Variants in SH3GLB1 observed in about 807,000 individuals in gnomAD.
The protein encoded by SH3GLB1 is SH3 domain containing GRB2 like, endophilin B1, also known as endophilin-B1.
A neutral mutation model predicts 42.0 loss-of-function variants in SH3GLB1; 17 were observed. The ratio of observed to expected loss-of-function variants is 0.40; its 90% CI spans 0.28 to 0.61. The LOEUF is 0.61. SH3GLB1 is among the 20% of genes least tolerant of loss of function. The pLI, the probability that SH3GLB1 is intolerant of heterozygous loss-of-function variation, is 0.36. For missense variants in SH3GLB1, 355 were observed against 426.3 expected (o/e 0.83, Z 1.47); for synonymous variants, 132 against 146.6 (o/e 0.90, Z 0.72).
rs113225472 is a variant in SH3GLB1 at position 86,747,299 on chromosome 1, A to T, written c.*4064A>T. 8 of 152,760 alleles carry T rather than the reference A, an allele frequency of 5.2e-5. 1 individual carries two copies. Among genetic ancestry groups the T allele is most frequent in the African/African-American group, 1.7e-4 (7 of 41,584 alleles). 9.5% of individuals were successfully genotyped at this position (152,760 alleles called of 1,614,324 possible). A position where few individuals can be genotyped will look rare whatever the true frequency, so the allele number is the denominator to read the frequency against. ...TTTTGTTGAATGAAAGAAAAATGCA[A>T]ATTTATAAGCCTTTTCAGAGACCTA... On this transcript the variant is annotated 3_prime_UTR_variant, in exon 9 of 9. Transcript: ENST00000370558.
chr1:86,732,914 A>G (rs892457843), intron 5 of SH3GLB1, among the ~76,000 whole-genome samples: 1 of 152,126 alleles, frequency 6.6e-6, no homozygotes, highest in Admixed American at 6.6e-5. Flanking sequence ...TTGACAATCA[A>G]AGACCTATAT....
chr1:86,741,759 T>G (rs1281993950), intron 7 of SH3GLB1, among the ~76,000 whole-genome samples: 1 of 152,198 alleles, frequency 6.6e-6, no homozygotes, highest in African/African-American at 2.4e-5. Flanking sequence ...AAAATGTGAT[T>G]GGACCAGTTT....
Position 86,715,783 on chromosome 1 carries a change from C to A in SH3GLB1, c.132C>A (p.Asn44Lys), listed in dbSNP as rs777505306. 13 of 1,612,678 alleles carry A rather than the reference C, an allele frequency of 8.1e-6. No individual in the cohort carries two copies. The highest frequency in any genetic ancestry group is 1.1e-5 in the Non-Finnish European group (13 of 1,179,674). The change falls in exon 2 of 9, where the codon AAC becomes AAA. Residue 44 changes from asparagine to lysine, a missense_variant. Physicochemically the swap from Asn to Lys is moderately conservative, Grantham distance 94 (BLOSUM62 0). Transcript: ENST00000370558. ...CAGAATTGGATGCTCACTTAGAGAA[C>A]CTCCTTAGCAAAGCTGAATGTACCA... Reference protein sequence around the residue: ...EKTELDAHLENLLSKAECTKI... With the variant: ...EKTELDAHLEKLLSKAECTKI...
At chr1:86,710,350 C>T (rs777387094) in intron 1 of SH3GLB1, among the ~76,000 whole-genome samples, 8 of 151,910 alleles carry the variant, frequency 5.3e-5, no homozygotes, top group East Asian at 1.9e-4. Flanking sequence ...CCGCAATCTC[C>T]GTTTCCCAGG....
chr1:86,737,987 C>T (rs1655860557), intron 7 of SH3GLB1, among the ~76,000 whole-genome samples: 1 of 152,150 alleles, frequency 6.6e-6, no homozygotes, highest in Admixed American at 6.6e-5. Context: ...AGGGCTTCGA[C>T]TTTGGTCTTT....
At chr1:86,722,967 A>G (rs1371894733) in intron 4 of SH3GLB1, among the ~76,000 whole-genome samples, 2 of 152,328 alleles carry the variant, frequency 1.3e-5, no homozygotes, top group East Asian at 3.9e-4. Context: ...TATGGTCTAA[A>G]ATATCACCAT....
At chr1:86,708,662 A>G (rs1020352081) in intron 1 of SH3GLB1, among the ~76,000 whole-genome samples, 4 of 152,216 alleles carry the variant, frequency 2.6e-5, no homozygotes, top group Admixed American at 2.6e-4. Context: ...GCTTGTTTTT[A>G]AGTACCTCAA....
Position 86,708,470 on chromosome 1 carries a change from A to G in SH3GLB1, c.72+3499A>G, listed in dbSNP as rs11161880. On this transcript the variant is annotated intron_variant, in intron 1 of 8. Transcript: ENST00000370558. The stretch of plus-strand genomic sequence containing the variant: ...CTTAAAAATTTCTAAGTTAAAAATT[A>G]AACATGTTTCTTGTTTTAAAAAAAG... Among the ~76,000 whole-genome samples, 949 of 152,338 alleles carry G rather than the reference A, an allele frequency of 6.2e-3. 13 individuals carry two copies. The highest frequency in any genetic ancestry group is 0.022 in the African/African-American group (912 of 41,558).
At chr1:86,721,453 C>T (rs1434772630) in intron 3 of SH3GLB1, among the ~76,000 whole-genome samples, 2 of 152,068 alleles carry the variant, frequency 1.3e-5, no homozygotes, top group African/African-American at 4.8e-5. Flanking sequence ...ATCTGTATTA[C>T]CTTCCTTATC....
chr1:86,715,631 T>G, intron 1 of SH3GLB1, 93 bp from the exon 2 acceptor site: 1 of 1,233,350 alleles, frequency 8.1e-7, no homozygotes, highest in Non-Finnish European at 1.1e-6. Context: ...ATGTTTAGGA[T>G]TGTTTAGCTT....
intron 1 of SH3GLB1, 70 bp downstream of exon 1, chr1:86,705,041 C>T: frequency 1.9e-6 from 2 of 1,071,872 alleles, no homozygotes; most frequent in Non-Finnish European, 2.7e-6. Context: ...CGCAGCTCGA[C>T]GCGGCGCCCC....
chr1:86,725,089 G>A (rs1029970371), intron 5 of SH3GLB1, among the ~76,000 whole-genome samples: 5 of 149,146 alleles, frequency 3.4e-5, no homozygotes, highest in African/African-American at 4.9e-5. Context: ...TTTAAATATC[G>A]TCAGTGGTCG....
intron 1 of SH3GLB1, among the ~76,000 whole-genome samples, chr1:86,711,782 A>G (rs1210345719): frequency 2.6e-5 from 4 of 152,090 alleles, no homozygotes. Context: ...CCCTTCTGAA[A>G]AGGTGCCATT....
intron 1 of SH3GLB1, among the ~76,000 whole-genome samples, chr1:86,708,380 A>AAATTGT (rs1317619469): frequency 1.3e-5 from 2 of 152,238 alleles, no homozygotes; most frequent in Non-Finnish European, 1.5e-5. Context: ...CATTCAAATC[A>AAATTGT]AATTGTACCG....
intron 5 of SH3GLB1, among the ~76,000 whole-genome samples, chr1:86,726,764 A>G (rs1385110516): frequency 6.6e-6 from 1 of 151,920 alleles, no homozygotes; most frequent in Non-Finnish European, 1.5e-5. Context: ...CTCTTAGTTT[A>G]TTATTACATA....
intron 7 of SH3GLB1, among the ~76,000 whole-genome samples, chr1:86,736,955 G>T (rs960944571): frequency 1.3e-5 from 2 of 152,182 alleles, no homozygotes; most frequent in Non-Finnish European, 2.9e-5. Context: ...GAACCAGATT[G>T]TATTGTTAAT....
At chr1:86,727,758 T>G (rs928561624) in intron 5 of SH3GLB1, among the ~76,000 whole-genome samples, 1 of 152,080 alleles carries the variant, frequency 6.6e-6, no homozygotes, top group Non-Finnish European at 1.5e-5. Flanking sequence ...CTCTGCAGTA[T>G]TTAGTGGTTT....
intron 5 of SH3GLB1, among the ~76,000 whole-genome samples, chr1:86,730,702 A>G (rs1352978584): frequency 1.3e-5 from 2 of 151,748 alleles, no homozygotes; most frequent in African/African-American, 4.9e-5. Flanking sequence ...TTTTTTCACC[A>G]TGTTGGCCAG....
intron 1 of SH3GLB1, among the ~76,000 whole-genome samples, 165 bp downstream of exon 1, chr1:86,705,136 G>A (rs1015239533): frequency 4.6e-5 from 7 of 151,734 alleles, no homozygotes; most frequent in Middle Eastern, 3.2e-3. Context: ...CGGGCCCGGC[G>A]GCGGATTTCT....
Sources: allele counts gnomAD v4.1 joint callset (sites outside exome capture counted in the v4.1 genomes callset), GRCh38; gene constraint gnomAD v4.1.1; transcripts MANE v1.5; gene names NCBI Gene and HGNC (gene_info 2026-07-23, HGNC 2026-07-21).